The following RRP1 variants were observed in gnomAD, a reference collection of about 807,000 sequenced individuals.
RRP1 encodes the protein ribosomal RNA processing protein 1 homolog A.
In RRP1, 37 loss-of-function variants were observed where a neutral mutation model predicts 54.6. That is an observed-to-expected ratio of 0.68 (90% CI 0.52 to 0.89). RRP1 has a LOEUF of 0.89. Ranked by LOEUF, RRP1 falls within the 40% of genes least tolerant of loss-of-function variation. RRP1 has a pLI of 0.00. For missense variants in RRP1, 639 were observed against 612.5 expected, an observed-to-expected ratio of 1.04 and a Z score of -0.46; for synonymous variants, 262 against 244.3, an observed-to-expected ratio of 1.07 and a Z score of -0.67.
chr21:43,797,649 C>G lies in RRP1; in HGVS notation c.571C>G (p.Leu191Val). ...GAEELTADQN[L>V]KFIDPFCRIA... The stretch of plus-strand genomic sequence containing the variant: ...CCCGTAGCTTACGGCAGACCAGAAC[C>G]TGAAGTTCATCGACCCCTTCTGCAG... The change falls in exon 7 of 13, where the codon CTG becomes GTG. Residue 191 changes from leucine to valine, a missense_variant. Transcript: ENST00000497547. 1 of 1,614,206 alleles carries G rather than the reference C, an allele frequency of 6.2e-7. No homozygotes were observed. The highest frequency in any genetic ancestry group is 8.5e-7 in the Non-Finnish European group (1 of 1,180,042).
intron 5 of RRP1, among the ~76,000 whole-genome samples, chr21:43,796,001 G>T (rs1194693917): frequency 6.6e-6 from 1 of 152,142 alleles, no homozygotes; most frequent in Non-Finnish European, 1.5e-5. Flanking sequence ...TTAGATAAAT[G>T]CATAGAAAAG....
chr21:43,791,486 G>A, intron 2 of RRP1, 54 bp downstream of exon 2: 2 of 1,520,016 alleles, frequency 1.3e-6, no homozygotes, highest in Non-Finnish European at 1.8e-6. Flanking sequence ...AGGATGGATG[G>A]GCATCTGGTC....
chr21:43,793,371 C>T lies in RRP1; in HGVS notation c.327C>T (p.Gly109=), dbSNP rs760109091. The part of the protein sequence containing the change: ...FWQTMNREWT[G]IDRLRLDKFY... ...AGACCATGAATCGCGAGTGGACGGG[C>T]ATTGACAGGCTGCGCCTGGATAAAT... The change falls in exon 4 of 13, where the codon GGC becomes GGT. Residue 109 remains glycine (G), a synonymous_variant. Transcript: ENST00000497547. 6.2e-7 allele frequency: 1 copy of T among 1,613,986 alleles called. No homozygotes were observed. Among genetic ancestry groups the T allele is most frequent in the Non-Finnish European group, 8.5e-7 (1 of 1,180,022 alleles).
Position 43,797,997 on chromosome 21 carries a change from G to C in RRP1, c.708G>C (p.Leu236=). The C allele has an allele frequency of 6.2e-7, 1 of 1,614,186 alleles. No individual in the cohort carries two copies. Among genetic ancestry groups the C allele is most frequent in the Non-Finnish European group, 8.5e-7 (1 of 1,180,020 alleles). The change falls in exon 8 of 13, where the codon CTG becomes CTC. Residue 236 remains leucine (L), a synonymous_variant. Transcript: ENST00000497547. ...PLAIEDLLNE[L]DTQDEEVASD... is the part of the protein sequence containing the mutation. ...CCATTGAAGACCTCCTGAATGAACT[G>C]GACACACAGGATGAGGAGGTGGCGT...
Position 43,789,708 on chromosome 21 carries a change from C to A in RRP1, c.79C>A (p.Arg27=), listed in dbSNP as rs1257320045. 49 of 1,552,428 alleles carry A rather than the reference C, an allele frequency of 3.2e-5. No homozygotes were observed. Among genetic ancestry groups the A allele is most frequent in the Middle Eastern group, 1.7e-4 (1 of 5,978 alleles). ...GGGGAATGAGCAGGTGACCCGGGAC[C>A]GGGCGGTGAGGAAGCTCCGGAAATA... ...LAGNEQVTRD[R]AVRKLRKYIV... is the part of the protein sequence containing the mutation. The change falls in exon 1 of 13, where the codon CGG becomes AGG. Residue 27 remains arginine, a synonymous_variant. Transcript: ENST00000497547.
At position 43,798,097 on chromosome 21, in the gene RRP1, G is replaced by A. The variant is rs201622848; in HGVS notation, c.808G>A (p.Ala270Thr). 13 of 1,608,070 alleles carry A rather than the reference G, an allele frequency of 8.1e-6. No homozygotes were observed. The highest frequency in any genetic ancestry group is 1.3e-5 in the African/African-American group (1 of 74,820). The change falls in exon 8 of 13, where the codon GCA becomes ACA. Residue 270 changes from alanine (A) to threonine (T), a missense_variant. Coordinates refer to ENST00000497547, the MANE Select transcript of RRP1 (RefSeq NM_003683.6). Reference protein sequence around the residue: ...LSQKRSEKPPAGSICRAEPEA... With the variant: ...LSQKRSEKPPTGSICRAEPEA... The stretch of plus-strand genomic sequence containing the variant: ...CCAGAAGAGGTCTGAGAAGCCGCCC[G>A]CAGGTGGGGGTCACACTGCGCCTGG...
intron 11 of RRP1, among the ~76,000 whole-genome samples, chr21:43,801,689 G>A (rs535169800): frequency 3.3e-5 from 5 of 152,218 alleles, no homozygotes; most frequent in East Asian, 3.9e-4. Context: ...CCGGCTGGTC[G>A]TCTGGGGTTT....
intron 12 of RRP1, 137 bp from the exon 13 acceptor site, chr21:43,803,375 G>A (rs768675289): frequency 4.7e-4 from 577 of 1,218,518 alleles, no homozygotes; most frequent in Non-Finnish European, 6.1e-4. Context: ...CACTGGACAC[G>A]GGATGCGTCT....
Position 43,803,768 on chromosome 21 carries a change from G to A in RRP1, c.1380G>A (p.Arg460=), listed in dbSNP as rs773361628. Reference sequence around the variant, plus strand: ...AGCCGGAGAAGAAGAAGAAACGCAGGGAGTGATGTGGCCGGGCCAAGGACA... The same window carrying A: ...AGCCGGAGAAGAAGAAGAAACGCAGAGAGTGATGTGGCCGGGCCAAGGACA... The part of the protein sequence containing the change: ...VQEPEKKKKR[R]E The change falls in exon 13 of 13, where the codon AGG becomes AGA. Residue 460 remains arginine (R), a synonymous_variant. Coordinates refer to ENST00000497547, the MANE Select transcript of RRP1 (RefSeq NM_003683.6). 1.1e-5 allele frequency: 17 copies of A among 1,579,770 alleles called. No individual in the cohort carries two copies. The East Asian group carries it at 3.4e-4, about 32-fold the overall frequency.
intron 9 of RRP1, among the ~76,000 whole-genome samples, chr21:43,799,902 A>G (rs534265283): frequency 6.6e-6 from 1 of 152,222 alleles, no homozygotes; most frequent in Admixed American, 6.5e-5. Context: ...CTCAGGCAGA[A>G]CTGCATTATC....
intron 4 of RRP1, 118 bp from the exon 5 acceptor site, chr21:43,795,071 C>A (rs916314209): frequency 3.2e-6 from 3 of 951,454 alleles, no homozygotes; most frequent in African/African-American, 3.2e-5. Flanking sequence ...GTGCTGGGGC[C>A]GGCAGAGGTC....
chr21:43,792,290 A>G (rs1374990470), intron 2 of RRP1, among the ~76,000 whole-genome samples: 1 of 152,180 alleles, frequency 6.6e-6, no homozygotes, highest in Non-Finnish European at 1.5e-5. Context: ...GGGGTCTCGC[A>G]GCCCTCTTCC....
chr21:43,797,258 C>G (rs1003195147), intron 5 of RRP1, 164 bp from the exon 6 acceptor site: 2 of 1,195,866 alleles, frequency 1.7e-6, no homozygotes, highest in East Asian at 2.6e-5. Flanking sequence ...GACCTAGGAT[C>G]GTTGATATCA....
chr21:43,789,840 G>C (rs2084938350), intron 1 of RRP1, 78 bp downstream of exon 1: 5 of 1,400,198 alleles, frequency 3.6e-6, no homozygotes. Flanking sequence ...GGCCGGAGCT[G>C]GGGGCCCTCC....
At chr21:43,791,224 C>T (rs2084953834) in intron 1 of RRP1, 126 bp from the exon 2 acceptor site, 2 of 930,490 alleles carry the variant, frequency 2.1e-6, no homozygotes, top group Non-Finnish European at 3.5e-6. Context: ...CCAGATTCTG[C>T]CCCCCAGTTG....
At chr21:43,796,416 T>C (rs2085018830) in intron 5 of RRP1, among the ~76,000 whole-genome samples, 1 of 152,202 alleles carries the variant, frequency 6.6e-6, no homozygotes, top group South Asian at 2.1e-4. Context: ...ATTACAAGAG[T>C]ACTTTTCTCC....
intron 2 of RRP1, 101 bp from the exon 3 acceptor site, chr21:43,792,571 A>ATGAGTGAG (rs548061094): frequency 8.7e-7 from 1 of 1,146,376 alleles, no homozygotes; most frequent in African/African-American, 1.5e-5. Context: ...ACTCTCTGTG[A>ATGAGTGAG]TGAGTGAGTG....
At chr21:43,791,496 C>T in intron 2 of RRP1, 64 bp downstream of exon 2, 1 of 1,452,622 alleles carries the variant, frequency 6.9e-7, no homozygotes. Context: ...GGCATCTGGT[C>T]AACCCAGTTT....
intron 1 of RRP1, 116 bp from the exon 2 acceptor site, chr21:43,791,234 G>T: frequency 9.7e-7 from 1 of 1,034,530 alleles, no homozygotes; most frequent in Non-Finnish European, 1.5e-6. Context: ...CCCCCCAGTT[G>T]CCTTTACCGT....
Sources: gnomAD v4.1 joint callset for allele counts (sites outside exome capture counted in the v4.1 genomes callset) on GRCh38, gnomAD v4.1.1 for gene constraint, MANE v1.5 for transcripts, NCBI Gene and HGNC (gene_info 2026-07-23, HGNC 2026-07-21) for gene names.